AMD1: variants seen among roughly 807,000 people sequenced by gnomAD.
AMD1 encodes the protein S-adenosylmethionine decarboxylase proenzyme.
Under a neutral mutation model 40.2 loss-of-function variants are expected in AMD1, and 11 were observed. That is an observed-to-expected ratio of 0.27 (90% CI 0.17 to 0.45). The LOEUF (loss-of-function observed/expected upper bound fraction) is 0.45. Among genes scored for constraint, AMD1 ranks in the 20% least tolerant of loss-of-function variants. The pLI is 1.00. For missense variants in AMD1, 257 were observed against 410.2 expected (o/e 0.63, Z 3.23); for synonymous variants, 121 against 130.8 (o/e 0.93, Z 0.51).
the AMD1 span, chr6:110,814,839 G>T: frequency 4.7e-6 from 4 of 845,594 alleles, no homozygotes; most frequent in South Asian, 1.5e-5. Flanking sequence ...CCGCGCGGGG[G>T]AGGCGGGCGG....
chr6:110,873,558 GA>G (rs1784959029), upstream of AMD1, among the ~76,000 whole-genome samples: 1 of 152,170 alleles, frequency 6.6e-6, no homozygotes, highest in African/African-American at 2.4e-5. Context: ...TCACTTTGGG[GA>G]AAGTTTTTTT....
intron 1 of AMD1, among the ~76,000 whole-genome samples, 155 bp from the exon 2 acceptor site, chr6:110,887,350 G>T (rs879325547): frequency 6.6e-6 from 1 of 151,930 alleles, no homozygotes; most frequent in Non-Finnish European, 1.5e-5. Flanking sequence ...ATTTATCTGG[G>T]TGTGTCAATA....
chr6:110,826,907 G>C, the AMD1 span, among the ~76,000 whole-genome samples: 1 of 151,970 alleles, frequency 6.6e-6, no homozygotes, highest in African/African-American at 2.4e-5. Flanking sequence ...GGCCAGGCTT[G>C]TCTCTAACTC....
intron 3 of AMD1, chr6:110,889,937 A>G (rs1785915514): frequency 5.1e-6 from 1 of 196,198 alleles, no homozygotes; most frequent in Admixed American, 5.7e-5. Flanking sequence ...TTTAGAAACT[A>G]CTGTTCTAGA....
the AMD1 span, among the ~76,000 whole-genome samples, chr6:110,845,545 G>A: frequency 6.6e-6 from 1 of 152,162 alleles, no homozygotes; most frequent in South Asian, 2.1e-4. Context: ...GGCTTCATGG[G>A]CATACAGGCC....
chr6:110,866,930 C>T, the AMD1 span, among the ~76,000 whole-genome samples: 3 of 152,030 alleles, frequency 2.0e-5, no homozygotes, highest in African/African-American at 7.2e-5. Context: ...TCTCCTGCCT[C>T]AGCCTCCCGA....
upstream of AMD1, among the ~76,000 whole-genome samples, chr6:110,871,860 A>C (rs535773124): frequency 6.6e-6 from 1 of 152,348 alleles, no homozygotes. Context: ...GCAGGTCATA[A>C]AGCCATGGAC....
At chr6:110,825,367 C>T in the AMD1 span, among the ~76,000 whole-genome samples, 1 of 152,124 alleles carries the variant, frequency 6.6e-6, no homozygotes, top group Non-Finnish European at 1.5e-5. Context: ...ACTATTGTAT[C>T]GATTTTGCCA....
At chr6:110,881,430 G>A (rs1562336019) in intron 1 of AMD1, among the ~76,000 whole-genome samples, 1 of 152,144 alleles carries the variant, frequency 6.6e-6, no homozygotes, top group Non-Finnish European at 1.5e-5. Context: ...AGATCAGAGA[G>A]GTGGCATTTA....
intron 1 of AMD1, among the ~76,000 whole-genome samples, chr6:110,876,788 C>G (rs75275509): frequency 0.038 from 5,521 of 147,206 alleles, 130 homozygotes; most frequent in Middle Eastern, 0.071. Flanking sequence ...CGATTGTGAT[C>G]AGGATAATTA....
the AMD1 span, among the ~76,000 whole-genome samples, chr6:110,869,505 CT>C: frequency 2.9e-4 from 42 of 143,882 alleles, no homozygotes; most frequent in Non-Finnish European, 2.7e-4. Flanking sequence ...TTTACAGTTT[CT>C]TTTTTTTTTT....
At chr6:110,820,807 G>A in the AMD1 span, among the ~76,000 whole-genome samples, 3 of 152,236 alleles carry the variant, frequency 2.0e-5, no homozygotes, top group South Asian at 6.2e-4. Context: ...GGAGGCTGAG[G>A]CAGGAGAATC....
At chr6:110,836,487 T>G in the AMD1 span, among the ~76,000 whole-genome samples, 1 of 152,272 alleles carries the variant, frequency 6.6e-6, no homozygotes, top group South Asian at 2.1e-4. Flanking sequence ...CACTAAATAC[T>G]GGAATATAAA....
chr6:110,819,395 A>G, the AMD1 span, among the ~76,000 whole-genome samples: 2 of 152,166 alleles, frequency 1.3e-5, no homozygotes, highest in Non-Finnish European at 2.9e-5. Flanking sequence ...GATCTGAACC[A>G]CGGAAGAGCA....
the AMD1 span, among the ~76,000 whole-genome samples, chr6:110,844,369 G>A: frequency 6.6e-6 from 1 of 151,150 alleles, no homozygotes; most frequent in South Asian, 2.1e-4. Flanking sequence ...TGTTGGTCTC[G>A]CTGGTCTCAA....
upstream of AMD1, among the ~76,000 whole-genome samples, chr6:110,870,777 TTACTC>T (rs1215324235): frequency 6.6e-6 from 1 of 152,188 alleles, no homozygotes; most frequent in Non-Finnish European, 1.5e-5. Context: ...AATAAAGACT[TTACTC>T]TATGGTCAAA....
the AMD1 span, among the ~76,000 whole-genome samples, chr6:110,818,672 C>T: frequency 1.3e-5 from 2 of 152,172 alleles, no homozygotes; most frequent in Non-Finnish European, 1.5e-5. Flanking sequence ...TCCTGTGTAG[C>T]TGGGATTACA....
the AMD1 span, chr6:110,814,912 C>G: frequency 5.2e-6 from 8 of 1,535,462 alleles, no homozygotes; most frequent in South Asian, 8.0e-5. Flanking sequence ...CCTCGCCCCT[C>G]GGGCACGGCC....
chr6:110,855,471 A>G, the AMD1 span, among the ~76,000 whole-genome samples: 1 of 152,198 alleles, frequency 6.6e-6, no homozygotes, highest in Non-Finnish European at 1.5e-5. Flanking sequence ...TACATAGATT[A>G]TGTATCACTT....
Sources: allele counts gnomAD v4.1 joint callset (sites outside exome capture counted in the v4.1 genomes callset), GRCh38; gene constraint gnomAD v4.1.1; transcripts MANE v1.5; gene names NCBI Gene and HGNC (gene_info 2026-07-23, HGNC 2026-07-21).